Variants in FARS2 observed in about 807,000 individuals in gnomAD.
FARS2 encodes phenylalanyl-tRNA synthetase 2, mitochondrial.
FARS2 carries 40 observed loss-of-function variants against 46.4 expected under a neutral mutation model. The observed-to-expected ratio is 0.86, with a 90% CI of 0.67 to 1.12. The LOEUF is 1.12. FARS2 is among the 50% of genes most tolerant of loss of function. The probability of loss-of-function intolerance (pLI) is 0.00; values close to 1 mark genes in which losing one functional copy is unlikely to be tolerated. For synonymous variants in FARS2, 234 were observed against 214.9 expected, an observed-to-expected ratio of 1.09 and a Z score of -0.78; for missense variants, 513 against 567.9, an observed-to-expected ratio of 0.90 and a Z score of 0.98.
upstream of FARS2, chr6:5,260,894 A>C (rs1337785747): frequency 7.2e-7 from 1 of 1,397,302 alleles, no homozygotes; most frequent in Non-Finnish European, 9.2e-7. Context: ...AGCCCTGCGG[A>C]TCGCGGACGG....
At chr6:5,435,779 C>A (rs1383501877) in intron 4 of FARS2, among the ~76,000 whole-genome samples, 1 of 152,078 alleles carries the variant, frequency 6.6e-6, no homozygotes, top group Admixed American at 6.6e-5. Flanking sequence ...ATTCCTTGCC[C>A]CTGTGAAGTT....
At chr6:5,330,530 C>T (rs1170647963) in intron 1 of FARS2, among the ~76,000 whole-genome samples, 1 of 152,140 alleles carries the variant, frequency 6.6e-6, no homozygotes, top group African/African-American at 2.4e-5. Context: ...AGGAGAATAA[C>T]TGTAGCGCAT....
intron 4 of FARS2, among the ~76,000 whole-genome samples, chr6:5,456,771 G>T (rs1764906888): frequency 6.7e-6 from 1 of 148,554 alleles, no homozygotes; most frequent in Admixed American, 6.8e-5. Flanking sequence ...GTCATTAGCA[G>T]GCAGGATTGA....
At chr6:5,432,885 G>T (rs189173697) in intron 4 of FARS2, among the ~76,000 whole-genome samples, 1 of 152,294 alleles carries the variant, frequency 6.6e-6, no homozygotes, top group Admixed American at 6.5e-5. Flanking sequence ...AGGAGCTTGT[G>T]TTACCTCGGC....
intron 4 of FARS2, among the ~76,000 whole-genome samples, chr6:5,536,594 A>T (rs978808076): frequency 3.3e-5 from 5 of 152,218 alleles, no homozygotes; most frequent in Non-Finnish European, 5.9e-5. Context: ...GTACAATGAA[A>T]ATCAAAATAA....
Position 5,771,362 on chromosome 6 carries a change from T to A in FARS2, c.1289T>A (p.Val430Asp). The change falls in exon 7 of 7, where the codon GTC becomes GAC. Residue 430 changes from valine to aspartate, a missense_variant. Val to Asp is a radical substitution (Grantham distance 152). Coordinates refer to ENST00000274680, the MANE Select transcript of FARS2 (RefSeq NM_006567.5). ...HMERTLSQRE[V>D]RHIHQALQEA... ...GAACGGACTCTGTCCCAGAGAGAGG[T>A]CAGGCACATCCACCAGGCCTTGCAG... is the stretch of plus-strand genomic sequence containing the variant. 6.2e-7 allele frequency: 1 copy of A among 1,614,134 alleles called. No homozygotes were observed. The highest frequency in any genetic ancestry group is 8.5e-7 in the Non-Finnish European group (1 of 1,180,038).
intron 6 of FARS2, among the ~76,000 whole-genome samples, chr6:5,752,184 C>T (rs979169067): frequency 1.3e-5 from 2 of 152,164 alleles, no homozygotes; most frequent in Non-Finnish European, 2.9e-5. Flanking sequence ...CTCCCCCGCC[C>T]CCATCAGAAA....
intron 5 of FARS2, among the ~76,000 whole-genome samples, chr6:5,594,073 G>A (rs553788496): frequency 1.3e-5 from 2 of 152,096 alleles, no homozygotes; most frequent in South Asian, 2.1e-4. Flanking sequence ...TTCTGACATC[G>A]CTGAGTATTT....
chr6:5,412,675 A>G (rs1228704442), intron 3 of FARS2, among the ~76,000 whole-genome samples: 3 of 152,218 alleles, frequency 2.0e-5, no homozygotes, highest in Non-Finnish European at 4.4e-5. Flanking sequence ...AATTAGATTT[A>G]TAATTAATTG....
chr6:5,616,002 A>G (rs1417636267), intron 6 of FARS2, among the ~76,000 whole-genome samples: 2 of 135,304 alleles, frequency 1.5e-5, no homozygotes, highest in African/African-American at 5.8e-5. Flanking sequence ...ATTGTAACCC[A>G]TAGCTCTTAA....
chr6:5,632,611 T>C (rs972178915), intron 6 of FARS2, among the ~76,000 whole-genome samples: 7 of 144,400 alleles, frequency 4.8e-5, no homozygotes, highest in African/African-American at 1.8e-4. Context: ...TCTTCCTTCC[T>C]TCCTTTCCTC....
the FARS2 span, among the ~76,000 whole-genome samples, chr6:5,254,557 A>T: frequency 6.6e-6 from 1 of 152,222 alleles, no homozygotes; most frequent in East Asian, 1.9e-4. Flanking sequence ...TATGCTAAGC[A>T]CTAGGAATAG....
intron 2 of FARS2, among the ~76,000 whole-genome samples, chr6:5,369,773 A>G (rs1041505958): frequency 1.3e-5 from 2 of 152,046 alleles, no homozygotes; most frequent in Non-Finnish European, 2.9e-5. Context: ...TGTTAGGATG[A>G]TGCATGGAGC....
At position 5,603,800 on chromosome 6, in the gene FARS2, G is replaced by A. The variant is rs116613024; in HGVS notation, c.1066-9369G>A. 7.8e-3 allele frequency among the ~76,000 whole-genome samples: 1,192 copies of A among 152,262 alleles called. 8 individuals are homozygous for A. Among genetic ancestry groups the A allele is most frequent in the South Asian group, 0.015 (73 of 4,824 alleles). On this transcript the variant is annotated intron_variant, in intron 5 of 6. Transcript: ENST00000274680. ...AAAGATCCTGTCTTTAAGTAAGCTC[G>A]TATTCTGAGGTACTGGGGTTTAGGA...
At chr6:5,654,537 A>G (rs1426950636) in intron 6 of FARS2, among the ~76,000 whole-genome samples, 1 of 152,198 alleles carries the variant, frequency 6.6e-6, no homozygotes, top group Non-Finnish European at 1.5e-5. Context: ...AATGTTCAAC[A>G]AGGATGAGTG....
At chr6:5,729,074 A>C (rs575169959) in intron 6 of FARS2, among the ~76,000 whole-genome samples, 1 of 152,136 alleles carries the variant, frequency 6.6e-6, no homozygotes, top group Non-Finnish European at 1.5e-5. Context: ...GCTCACTCAT[A>C]CTGCAGATGA....
Position 5,462,791 on chromosome 6 carries a change from T to C in FARS2, c.904+31619T>C, listed in dbSNP as rs535856904. ...TCTTTCAAAATTCTTTTGGCTATTC[T>C]ACTGCCTTTGTATTAGAATACCAAT... On this transcript the variant is annotated intron_variant, in intron 4 of 6. Transcript: ENST00000274680. 7.3e-4 allele frequency among the ~76,000 whole-genome samples: 112 copies of C among 152,388 alleles called. 1 individual carries two copies. Among genetic ancestry groups the C allele is most frequent in the African/African-American group, 2.6e-3 (110 of 41,598 alleles).
rs149982203 is a variant in FARS2 at position 5,307,065 on chromosome 6, T to C, written c.-22+45405T>C. ...ATGCATAATTTTTATGTAGTTGTAA[T>C]CTGTTTATGAAAATCTGGTATTTTA... On this transcript the variant is annotated intron_variant, in intron 1 of 6. Transcript: ENST00000274680. 6.7e-3 allele frequency among the ~76,000 whole-genome samples: 1,017 copies of C among 152,332 alleles called. 12 individuals are homozygous for C. The highest frequency in any genetic ancestry group is 0.044 in the South Asian group (211 of 4,824).
chr6:5,320,601 G>A (rs1446188556), intron 1 of FARS2, among the ~76,000 whole-genome samples: 1 of 152,198 alleles, frequency 6.6e-6, no homozygotes, highest in African/African-American at 2.4e-5. Flanking sequence ...GGAGAAAGTA[G>A]GAATTCTTGA....
Sources: allele counts gnomAD v4.1 joint callset (sites outside exome capture counted in the v4.1 genomes callset), GRCh38; gene constraint gnomAD v4.1.1; transcripts MANE v1.5; gene names NCBI Gene and HGNC (gene_info 2026-07-23, HGNC 2026-07-21).